Variants in UBE2G1 observed in about 807,000 individuals in gnomAD.
UBE2G1 encodes the protein ubiquitin-conjugating enzyme E2 G1.
A neutral mutation model predicts 22.7 loss-of-function variants in UBE2G1; 5 were observed. The observed-to-expected ratio is 0.22, with a 90% CI of 0.12 to 0.46. The LOEUF (loss-of-function observed/expected upper bound fraction) is 0.46. Ranked by LOEUF, UBE2G1 falls within the 20% of genes least tolerant of loss-of-function variation. UBE2G1 has a pLI of 0.99. For synonymous variants in UBE2G1, 74 were observed against 67.5 expected (o/e 1.10, Z -0.47); for missense variants, 88 against 203.9 (o/e 0.43, Z 3.46).
At position 4,299,984 on chromosome 17, in the gene UBE2G1, G is replaced by A. The variant is rs182027277; in HGVS notation, c.150-3170C>T. ...TAGGATTACAAGCGCACACCACCAC[G>A]TCCCGCTAATTTTTGTATCTTTAGT... On this transcript the variant is annotated intron_variant, in intron 2 of 5. Transcript: ENST00000396981. 2.1e-3 allele frequency among the ~76,000 whole-genome samples: 319 copies of A among 151,474 alleles called. 1 individual carries two copies. Among genetic ancestry groups the A allele is most frequent in the African/African-American group, 7.2e-3 (298 of 41,342 alleles).
At chr17:4,300,558 T>A (rs991785790) in intron 2 of UBE2G1, among the ~76,000 whole-genome samples, 1 of 151,576 alleles carries the variant, frequency 6.6e-6, no homozygotes, top group Non-Finnish European at 1.5e-5. Context: ...ATAATAATAA[T>A]AAATAAATAA....
At chr17:4,293,531 T>C (rs1300624383) in intron 3 of UBE2G1, among the ~76,000 whole-genome samples, 1 of 152,202 alleles carries the variant, frequency 6.6e-6, no homozygotes, top group Non-Finnish European at 1.5e-5. Flanking sequence ...TTTTCTTGGT[T>C]AGGTTCCTAG....
chr17:4,290,533 A>G (rs1478922618), intron 3 of UBE2G1, among the ~76,000 whole-genome samples: 2 of 152,014 alleles, frequency 1.3e-5, no homozygotes, highest in African/African-American at 4.8e-5. Context: ...GTGTAGTGGT[A>G]TGATCACAGC....
rs114951308 is a variant in UBE2G1, at chr17:4,281,580, C to T, written c.*37+1218G>A. Among the ~76,000 whole-genome samples the T allele has an allele frequency of 3.6e-3, 549 of 152,278 alleles. 2 individuals are homozygous for T. Among genetic ancestry groups the T allele is most frequent in the African/African-American group, 0.013 (528 of 41,564 alleles). On this transcript the variant is annotated intron_variant, in intron 5 of 5. Coordinates refer to ENST00000396981, the MANE Select transcript of UBE2G1 (RefSeq NM_003342.5). ...CTTTTATTGAGTAATTTAAATATCA[C>T]GAATAGGTCTTACGAATCATCTGGC... is the stretch of plus-strand genomic sequence containing the variant.
chr17:4,300,237 T>C (rs1969159546), intron 2 of UBE2G1, among the ~76,000 whole-genome samples: 1 of 152,138 alleles, frequency 6.6e-6, no homozygotes, highest in Non-Finnish European at 1.5e-5. Flanking sequence ...CCACTATTTT[T>C]CAAATATAGA....
intron 3 of UBE2G1, among the ~76,000 whole-genome samples, chr17:4,293,386 G>A (rs1046194382): frequency 2.6e-5 from 4 of 151,922 alleles, no homozygotes; most frequent in Admixed American, 6.6e-5. Flanking sequence ...ATAATATTCC[G>A]TTATATGGGT....
chr17:4,319,629 G>C (rs1969414584), intron 1 of UBE2G1, among the ~76,000 whole-genome samples: 1 of 152,060 alleles, frequency 6.6e-6, no homozygotes, highest in Non-Finnish European at 1.5e-5. Context: ...CAGCCACTCA[G>C]GAGGCTAAGG....
At chr17:4,316,283 A>T (rs1248914175) in intron 1 of UBE2G1, among the ~76,000 whole-genome samples, 1 of 152,068 alleles carries the variant, frequency 6.6e-6, no homozygotes, top group Non-Finnish European at 1.5e-5. Context: ...ATATGTCTGT[A>T]AAGTAACTAT....
intron 5 of UBE2G1, among the ~76,000 whole-genome samples, chr17:4,275,505 T>C (rs1303672944): frequency 6.6e-6 from 1 of 152,216 alleles, no homozygotes; most frequent in East Asian, 1.9e-4. Context: ...ATGGTTTACC[T>C]CCAAAGAACT....
At chr17:4,298,451 T>C (rs1345963554) in intron 2 of UBE2G1, among the ~76,000 whole-genome samples, 1 of 152,230 alleles carries the variant, frequency 6.6e-6, no homozygotes, top group East Asian at 1.9e-4. Flanking sequence ...TCTTTTACTC[T>C]CTGCTCTTTT....
intron 2 of UBE2G1, among the ~76,000 whole-genome samples, chr17:4,300,320 A>C (rs1478770547): frequency 1.3e-5 from 2 of 151,896 alleles, no homozygotes; most frequent in Non-Finnish European, 2.9e-5. Context: ...AGGCGGGCGG[A>C]TCACTTGAGG....
intron 1 of UBE2G1, among the ~76,000 whole-genome samples, chr17:4,307,329 G>A (rs1282119155): frequency 6.6e-6 from 1 of 152,154 alleles, no homozygotes; most frequent in Non-Finnish European, 1.5e-5. Flanking sequence ...CTATCCAGAA[G>A]ATCAACTTCT....
chr17:4,281,402 GA>G (rs1347947764), intron 5 of UBE2G1, among the ~76,000 whole-genome samples: 2 of 152,192 alleles, frequency 1.3e-5, no homozygotes. Flanking sequence ...AGGAATATGA[GA>G]AAGGGACAGA....
chr17:4,289,756 A>C (rs1339996442), intron 3 of UBE2G1, among the ~76,000 whole-genome samples: 1 of 152,232 alleles, frequency 6.6e-6, no homozygotes, highest in Non-Finnish European at 1.5e-5. Context: ...CTTCATTTGC[A>C]GAAAGCATAT....
At chr17:4,348,234 G>T (rs944653664) in intron 1 of UBE2G1, among the ~76,000 whole-genome samples, 6 of 152,238 alleles carry the variant, frequency 3.9e-5, no homozygotes, top group Admixed American at 3.3e-4. Flanking sequence ...CTCCAGTCTA[G>T]GTGACAGAGC....
At chr17:4,329,573 A>T (rs1200529680) in intron 1 of UBE2G1, among the ~76,000 whole-genome samples, 1 of 151,958 alleles carries the variant, frequency 6.6e-6, no homozygotes, top group Non-Finnish European at 1.5e-5. Context: ...AAAGAGACTG[A>T]GACTCTTCTT....
intron 2 of UBE2G1, among the ~76,000 whole-genome samples, chr17:4,305,303 TAACA>T (rs1969237595): frequency 1.3e-5 from 2 of 152,200 alleles, no homozygotes; most frequent in African/African-American, 4.8e-5. Flanking sequence ...GGCTTACTTC[TAACA>T]AACCTTTCTT....
At chr17:4,312,695 C>CAAAAAAA (rs58462791) in intron 1 of UBE2G1, among the ~76,000 whole-genome samples, 10 of 76,868 alleles carry the variant, frequency 1.3e-4, no homozygotes, top group African/African-American at 2.0e-4. Flanking sequence ...GACTCCATCT[C>CAAAAAAA]AAAAAAAAAA....
chr17:4,289,440 T>C (rs770001450), intron 3 of UBE2G1, 32 bp from the exon 4 acceptor site: 54 of 1,472,696 alleles, frequency 3.7e-5, no homozygotes, highest in Non-Finnish European at 4.7e-5. Flanking sequence ...TTGTTTCATA[T>C]ATTACTAATT....
Sources: gnomAD v4.1 joint callset for allele counts (sites outside exome capture counted in the v4.1 genomes callset) on GRCh38, gnomAD v4.1.1 for gene constraint, MANE v1.5 for transcripts, NCBI Gene and HGNC (gene_info 2026-07-23, HGNC 2026-07-21) for gene names.